The following GRIP2 variants were observed in gnomAD, a reference collection of about 807,000 sequenced individuals.
GRIP2 encodes glutamate receptor interacting protein 2, also known as glutamate receptor-interacting protein 2.
In GRIP2, 58 loss-of-function variants were observed where a neutral mutation model predicts 108.3. The observed-to-expected ratio is 0.54, with a 90% CI of 0.43 to 0.67. The LOEUF (loss-of-function observed/expected upper bound fraction) is 0.67. Ranked by LOEUF, GRIP2 falls within the 30% of genes least tolerant of loss-of-function variation. The probability of loss-of-function intolerance (pLI) is 0.00; values close to 1 mark genes in which losing one functional copy is unlikely to be tolerated. For missense variants in GRIP2, 1,278 were observed against 1,430.6 expected, an observed-to-expected ratio of 0.89 and a Z score of 1.72; for synonymous variants, 586 against 598.2, an observed-to-expected ratio of 0.98 and a Z score of 0.30.
At chr3:14,504,836 G>A (rs1693873502) in intron 20 of GRIP2, among the ~76,000 whole-genome samples, 1 of 152,242 alleles carries the variant, frequency 6.6e-6, no homozygotes, top group Non-Finnish European at 1.5e-5. Context: ...CAGAGCTGGA[G>A]ATTCATTCGC....
Position 14,505,913 on chromosome 3 carries a change from A to C in GRIP2, c.2399-124T>G, listed in dbSNP as rs985836089. On this transcript the variant is annotated intron_variant, in intron 19 of 23. Coordinates refer to ENST00000621039, the MANE Select transcript of GRIP2 (RefSeq NM_001080423.4). This position sits in a 1 kb window ranked among gnomAD's most constrained non-coding sequence, Gnocchi z 4.2. Reference sequence around the variant, plus strand: ...TGCTCCTCTCTGGGCCTGCATCTACACAGCCCTCTGAGGGCCTCTGCCTCT... The same window carrying C: ...TGCTCCTCTCTGGGCCTGCATCTACCCAGCCCTCTGAGGGCCTCTGCCTCT... 1.4e-5 allele frequency: 12 copies of C among 857,068 alleles called. No individual in the cohort carries two copies. Among genetic ancestry groups the C allele is most frequent in the Non-Finnish European group, 1.7e-6 (1 of 584,768 alleles). The allele number at this position is 857,068 out of a possible 1,614,324, so 53.1% of individuals were successfully genotyped here.
At chr3:14,580,489 A>C in the GRIP2 span, among the ~76,000 whole-genome samples, 1 of 152,224 alleles carries the variant, frequency 6.6e-6, no homozygotes, top group Admixed American at 6.5e-5. Flanking sequence ...TGAACTCAGG[A>C]GTTCCAGACC....
At chr3:14,586,099 GC>G in the GRIP2 span, among the ~76,000 whole-genome samples, 1 of 152,122 alleles carries the variant, frequency 6.6e-6, no homozygotes. Context: ...TTGCCCCAGG[GC>G]CTTTGCTCCT....
chr3:14,539,418 G>T (rs574434649), intron 1 of GRIP2, among the ~76,000 whole-genome samples: 1 of 152,180 alleles, frequency 6.6e-6, no homozygotes, highest in Non-Finnish European at 1.5e-5. Flanking sequence ...CAGGGCTGGG[G>T]GCTCTGCAGT....
Position 14,505,504 on chromosome 3 carries a change from A to G in GRIP2, c.2573+111T>C. Reference sequence around the variant, plus strand: ...TCTCTCCCAGGAGGCACCCCTCCTCAGGAGCCCGCCAAGACTCTCCATTCC... The same window carrying G: ...TCTCTCCCAGGAGGCACCCCTCCTCGGGAGCCCGCCAAGACTCTCCATTCC... On this transcript the variant is annotated intron_variant, in intron 20 of 23. Transcript: ENST00000621039. The surrounding 1 kb of genome is among the most constrained non-coding windows in gnomAD (Gnocchi z 4.2). The G allele has an allele frequency of 1.6e-6, 2 of 1,245,298 alleles. No homozygotes were observed. The highest frequency in any genetic ancestry group is 1.1e-6 in the Non-Finnish European group (1 of 892,904). The allele number at this position is 1,245,298 out of a possible 1,614,324, so 77.1% of individuals were successfully genotyped here.
At chr3:14,539,753 T>C (rs961108840) in intron 1 of GRIP2, among the ~76,000 whole-genome samples, 3 of 151,894 alleles carry the variant, frequency 2.0e-5, no homozygotes, top group Non-Finnish European at 2.9e-5. Flanking sequence ...ATCCCACACA[T>C]TCCCAGAGCC....
At chr3:14,548,423 G>C (rs6789441) in intron 1 of GRIP2, among the ~76,000 whole-genome samples, 1 of 152,028 alleles carries the variant, frequency 6.6e-6, no homozygotes, top group African/African-American at 2.4e-5. Flanking sequence ...AGCAGTGCAC[G>C]GACCTCCGCA....
upstream of GRIP2, among the ~76,000 whole-genome samples, chr3:14,559,646 A>G (rs997528569): frequency 1.3e-5 from 2 of 152,064 alleles, no homozygotes; most frequent in Admixed American, 1.3e-4. Flanking sequence ...CAGCCTGTTC[A>G]GAGCTAATTT....
the GRIP2 span, among the ~76,000 whole-genome samples, chr3:14,576,108 G>A: frequency 2.0e-4 from 31 of 152,214 alleles, no homozygotes; most frequent in African/African-American, 7.2e-4. Context: ...GGTGTAGCAG[G>A]CAGCAGCTCC....
chr3:14,545,137 T>G (rs907242928), upstream of GRIP2, among the ~76,000 whole-genome samples: 1 of 152,096 alleles, frequency 6.6e-6, no homozygotes, highest in African/African-American at 2.4e-5. Flanking sequence ...AGAGGGGGTG[T>G]CCAGAATGTT....
At chr3:14,547,755 G>T (rs2124973815) in intron 1 of GRIP2, among the ~76,000 whole-genome samples, 1 of 152,282 alleles carries the variant, frequency 6.6e-6, no homozygotes, top group South Asian at 2.1e-4. Context: ...CTAACAAAAA[G>T]CAAAACATGG....
At chr3:14,572,606 C>T in the GRIP2 span, among the ~76,000 whole-genome samples, 2 of 12,450 alleles carry the variant, frequency 1.6e-4, no homozygotes, top group South Asian at 8.9e-3. Flanking sequence ...AGCGAGACTC[C>T]GTCTCAAAAA....
chr3:14,589,962 T>C, the GRIP2 span, among the ~76,000 whole-genome samples: 1 of 151,854 alleles, frequency 6.6e-6, no homozygotes, highest in African/African-American at 2.4e-5. Flanking sequence ...CTGGCCACTT[T>C]TTGTATTTTT....
the GRIP2 span, among the ~76,000 whole-genome samples, chr3:14,596,386 C>T: frequency 6.6e-6 from 1 of 152,176 alleles, no homozygotes; most frequent in Admixed American, 6.5e-5. Flanking sequence ...TTGAGAGAGA[C>T]AGTAGGTTAA....
At chr3:14,494,723 A>C in intron 23 of GRIP2, 120 bp downstream of exon 23, 1 of 1,268,166 alleles carries the variant, frequency 7.9e-7, no homozygotes, top group Non-Finnish European at 1.0e-6. Context: ...AACTTTGGCT[A>C]ACCTGACTCA....
chr3:14,583,707 C>T, the GRIP2 span, among the ~76,000 whole-genome samples: 2 of 152,240 alleles, frequency 1.3e-5, no homozygotes, highest in Non-Finnish European at 2.9e-5. Flanking sequence ...TTCTAAGCTA[C>T]GCTGCTGACT....
Position 14,511,530 on chromosome 3 carries a change from G to T in GRIP2, c.1721-51C>A. 6.3e-7 allele frequency: 1 copy of T among 1,583,428 alleles called. No individual in the cohort carries two copies. Among genetic ancestry groups the T allele is most frequent in the Non-Finnish European group, 8.6e-7 (1 of 1,156,878 alleles). ...GACCTTGGTGGCCTCAGCCTGGGGTGGGGTGGCGAAGCCCAGGGGTCTGAG... is the reference window on the plus strand; with the variant it reads ...GACCTTGGTGGCCTCAGCCTGGGGTTGGGTGGCGAAGCCCAGGGGTCTGAG... On this transcript the variant is annotated intron_variant, in intron 14 of 23. Transcript: ENST00000621039. This position sits in a 1 kb window ranked among gnomAD's most constrained non-coding sequence, Gnocchi z 4.1.
chr3:14,593,522 T>C, the GRIP2 span, among the ~76,000 whole-genome samples: 3 of 152,232 alleles, frequency 2.0e-5, no homozygotes, highest in Non-Finnish European at 4.4e-5. Context: ...ACAGTCACCA[T>C]GTGGGTCCAG....
At chr3:14,591,357 C>T in the GRIP2 span, among the ~76,000 whole-genome samples, 1 of 152,126 alleles carries the variant, frequency 6.6e-6, no homozygotes, top group Non-Finnish European at 1.5e-5. Flanking sequence ...ACAGGAAGAG[C>T]CTTGGCTTGG....
Sources: allele counts gnomAD v4.1 joint callset (sites outside exome capture counted in the v4.1 genomes callset), GRCh38; gene constraint gnomAD v4.1.1; non-coding constraint Gnocchi (gnomAD v3.1); transcripts MANE v1.5; gene names NCBI Gene and HGNC (gene_info 2026-07-23, HGNC 2026-07-21).